RPS3: variants seen among roughly 807,000 people sequenced by gnomAD.
RPS3 encodes the protein ribosomal protein S3.
Under a neutral mutation model 25.8 loss-of-function variants are expected in RPS3, and 2 were observed. That is an observed-to-expected ratio of 0.08 (90% confidence interval 0.03 to 0.24). The LOEUF (loss-of-function observed/expected upper bound fraction) is 0.24, where lower values mean the gene tolerates loss of function less well. RPS3 is among the 10% of genes least tolerant of loss of function. The pLI, the probability that RPS3 is intolerant of heterozygous loss-of-function variation, is 1.00. For synonymous variants in RPS3, 114 were observed against 114.2 expected (o/e 1.00, Z 0.01); for missense variants, 107 against 307.1 (o/e 0.35, Z 4.87).
Position 75,405,565 on chromosome 11 carries a change from TTAA to T in RPS3, c.*4-45_*4-43del, listed in dbSNP as rs768768736. 2.5e-4 allele frequency: 113 copies of T among 453,918 alleles called. 1 individual carries two copies. The highest frequency in any genetic ancestry group is 1.6e-3 in the South Asian group (101 of 64,334). 28.1% of individuals were successfully genotyped at this position (453,918 alleles called of 1,614,324 possible). A position where few individuals can be genotyped will look rare whatever the true frequency, so the allele number is the denominator to read the frequency against. Reference sequence around the variant, plus strand: ...TGTATCCATTTGGTAAATCAGGAACTTAATAACTCTGGTAAAGTTTCTTACTTT... The same window carrying T: ...TGTATCCATTTGGTAAATCAGGAACTTAACTCTGGTAAAGTTTCTTACTTT... On this transcript the variant is annotated intron_variant, in intron 6 of 6. Transcript: ENST00000531188.
downstream of RPS3, among the ~76,000 whole-genome samples, chr11:75,411,754 T>C (rs1948358589): frequency 6.6e-6 from 1 of 152,216 alleles, no homozygotes; most frequent in African/African-American, 2.4e-5. Context: ...ATGGCATTAC[T>C]CTTCCAGCCA....
At chr11:75,410,635 G>A (rs1224469085), downstream of RPS3, among the ~76,000 whole-genome samples, 2 of 152,254 alleles carry the variant, frequency 1.3e-5, no homozygotes, top group Non-Finnish European at 2.9e-5. Context: ...GGCCAAGGCA[G>A]GCGGCTGGGA....
At chr11:75,409,825 C>CG (rs1366506502), downstream of RPS3, among the ~76,000 whole-genome samples, 2 of 148,196 alleles carry the variant, frequency 1.3e-5, no homozygotes, top group Non-Finnish European at 3.0e-5. Flanking sequence ...CTGACCCCCC[C>CG]ACCTCCCTCC....
intron 6 of RPS3, among the ~76,000 whole-genome samples, chr11:75,418,612 C>T (rs1305162852): frequency 6.6e-6 from 1 of 151,946 alleles, no homozygotes; most frequent in South Asian, 2.1e-4. Context: ...AAATTGGTCT[C>T]GAATTAAAAA....
chr11:75,420,003 C>A (rs1948429610), intron 6 of RPS3, among the ~76,000 whole-genome samples: 1 of 152,290 alleles, frequency 6.6e-6, no homozygotes, highest in Non-Finnish European at 1.5e-5. Flanking sequence ...AAAAAAGAAA[C>A]TCAAAAACTA....
chr11:75,418,377 C>T (rs556858441), intron 6 of RPS3, among the ~76,000 whole-genome samples: 13 of 152,216 alleles, frequency 8.5e-5, no homozygotes, highest in Admixed American at 1.3e-4. Context: ...CATTTTTTAA[C>T]CGTATTTGGG....
At position 75,404,339 on chromosome 11, in the gene RPS3, C is replaced by A; in HGVS notation, c.538+132C>A. ...TCATATTCCTTGGTGTATCGATTGCCACGTTGATCTGTAAGAATCGATTTG... is the reference window on the plus strand; with the variant it reads ...TCATATTCCTTGGTGTATCGATTGCAACGTTGATCTGTAAGAATCGATTTG... On this transcript the variant is annotated intron_variant, in intron 5 of 6. Transcript: ENST00000531188. This position sits in a 1 kb window ranked among gnomAD's most constrained non-coding sequence, Gnocchi z 4.6. 2 of 880,942 alleles carry A rather than the reference C, an allele frequency of 2.3e-6. No individual in the cohort carries two copies. The highest frequency in any genetic ancestry group is 1.9e-6 in the Non-Finnish European group (1 of 534,596). 54.6% of individuals were successfully genotyped at this position (880,942 alleles called of 1,614,324 possible).
intron 6 of RPS3, among the ~76,000 whole-genome samples, chr11:75,412,300 C>T (rs1948364211): frequency 6.6e-6 from 1 of 152,152 alleles, no homozygotes; most frequent in Admixed American, 6.5e-5. Flanking sequence ...TATTTGGAGC[C>T]TTTAAGGAGG....
intron 3 of RPS3, 115 bp from the exon 4 acceptor site, chr11:75,402,237 G>A (rs1047052359): frequency 1.3e-5 from 20 of 1,512,654 alleles, no homozygotes; most frequent in Middle Eastern, 1.7e-4. Context: ...CATGCGGCCC[G>A]TGGGTTGGGC....
At chr11:75,403,303 TC>T (rs1199557973) in intron 4 of RPS3, 1 of 152,212 alleles carries the variant, frequency 6.6e-6, no homozygotes, top group African/African-American at 2.4e-5. Flanking sequence ...TAATAACCCC[TC>T]CACATGCTGT....
At position 75,406,528 on chromosome 11, in the gene RPS3, T is replaced by A. The variant is rs1395294494; in HGVS notation, c.*918T>A. The A allele has an allele frequency of 6.6e-6, 1 of 152,246 alleles. No homozygotes were observed. The highest frequency in any genetic ancestry group is 2.4e-5 in the African/African-American group (1 of 41,464). The allele number at this position is 152,246 out of a possible 1,614,324, so 9.4% of individuals were successfully genotyped here. ...GATTTGGTTTTCTTCTCAATTAGAC[T>A]GAGCTGCACATGGTGTTTATATTGC... On this transcript the variant is annotated 3_prime_UTR_variant, in exon 7 of 7. Transcript: ENST00000531188.
At position 75,412,808 on chromosome 11, in the gene RPS3, G is replaced by A. The variant is rs531530158; in HGVS notation, c.*3+7940G>A. Among the ~76,000 whole-genome samples the A allele has an allele frequency of 6.6e-5, 10 of 152,246 alleles. No individual in the cohort carries two copies. The South Asian group carries it at 1.5e-3, about 22-fold the overall frequency. ...TTTATTTTTTCTGACACAGAGTCTCGCTCTATCGCCCAGGCTGGAGTGCAG... is the reference window on the plus strand; with the variant it reads ...TTTATTTTTTCTGACACAGAGTCTCACTCTATCGCCCAGGCTGGAGTGCAG... On this transcript the variant is annotated intron_variant, in intron 6 of 6. Coordinates refer to the RPS3 transcript ENST00000527446.
chr11:75,402,327 A>T, intron 3 of RPS3, 25 bp from the exon 4 acceptor site: 1 of 1,609,128 alleles, frequency 6.2e-7, no homozygotes, highest in Non-Finnish European at 8.5e-7. Context: ...TGATGGTAAC[A>T]GGATATCCCT....
intron 6 of RPS3, among the ~76,000 whole-genome samples, chr11:75,416,854 T>A (rs1440606475): frequency 1.3e-5 from 2 of 152,064 alleles, no homozygotes; most frequent in Non-Finnish European, 2.9e-5. Context: ...TCATAGAGAG[T>A]GAATATTTTC....
At chr11:75,410,119 T>A (rs1948334703), downstream of RPS3, among the ~76,000 whole-genome samples, 1 of 115,036 alleles carries the variant, frequency 8.7e-6, no homozygotes, top group African/African-American at 3.6e-5. Flanking sequence ...GGCGGGGGGC[T>A]GACCCCACAC....
chr11:75,400,872 A>G, intron 2 of RPS3, 48 bp downstream of exon 2: 1 of 1,579,920 alleles, frequency 6.3e-7, no homozygotes, highest in South Asian at 1.1e-5. Context: ...ATAAATGCTA[A>G]GTTGGTTTAT....
At chr11:75,410,663 G>A (rs1190182367), downstream of RPS3, among the ~76,000 whole-genome samples, 6 of 152,234 alleles carry the variant, frequency 3.9e-5, no homozygotes, top group African/African-American at 9.6e-5. Context: ...GTAGCGAGCC[G>A]AGATCACGCC....
At position 75,414,543 on chromosome 11, in the gene RPS3, G is replaced by A. The variant is rs192927346; in HGVS notation, c.*4-7184G>A. Among the ~76,000 whole-genome samples, 9 of 152,226 alleles carry A rather than the reference G, an allele frequency of 5.9e-5. No homozygotes were observed. The East Asian group carries it at 1.2e-3, about 20-fold the overall frequency. ...GGAGAATGGCATGAAGCCAGGAGGC[G>A]GAGCTTGCAGTGAGCTGAGATCGCG... On this transcript the variant is annotated intron_variant, in intron 6 of 6. Transcript: ENST00000527446.
chr11:75,404,688 G>T lies in RPS3; in HGVS notation c.555G>T (p.Lys185Asn), dbSNP rs780760239. 6.2e-6 allele frequency: 10 copies of T among 1,612,266 alleles called. No homozygotes were observed. The highest frequency in any genetic ancestry group is 8.5e-6 in the Non-Finnish European group (10 of 1,179,148). Residue 185 changes from lysine to asparagine, a missense_variant, in exon 6 of 7, where the codon AAG becomes AAT. Physicochemically the swap from Lys to Asn is moderately conservative, Grantham distance 94 (BLOSUM62 0). Around this residue, in one of 2 missense-constraint regions of RPS3, gnomAD observed 81 missense variants for 286.8 expected, o/e 0.28. Transcript: ENST00000531188. This position sits in a 1 kb window ranked among gnomAD's most constrained non-coding sequence, Gnocchi z 4.6. ...GTCCTCTAGGTGTGCTGGGCATCAA[G>T]GTGAAGATCATGCTGCCCTGGGACC... The part of the protein sequence containing the change: ...VLLRQGVLGI[K>N]VKIMLPWDPT...
Sources: allele counts gnomAD v4.1 joint callset (sites outside exome capture counted in the v4.1 genomes callset), GRCh38; gene constraint gnomAD v4.1.1; regional missense constraint gnomAD v4.1.1; non-coding constraint Gnocchi (gnomAD v3.1); transcripts MANE v1.5; gene names NCBI Gene and HGNC (gene_info 2026-07-23, HGNC 2026-07-21).